Variants in NRG3 observed in about 807,000 individuals in gnomAD.
NRG3 encodes neuregulin 3, also known as pro-neuregulin-3, membrane-bound isoform.
In NRG3, 31 loss-of-function variants were observed where a neutral mutation model predicts 66.9. The observed-to-expected ratio is 0.46, with a 90% CI of 0.35 to 0.63. NRG3 has a LOEUF of 0.63. Among genes scored for constraint, NRG3 ranks in the 20% least tolerant of loss-of-function variants. The pLI is 0.00. For missense variants in NRG3, 910 were observed against 878.9 expected (o/e 1.04, Z -0.45); for synonymous variants, 393 against 359.4 (o/e 1.09, Z -1.06).
Position 82,615,269 on chromosome 10 carries a change from A to T in NRG3, c.954-123308A>T, listed in dbSNP as rs1000878775. Among the ~76,000 whole-genome samples, 13 of 152,144 alleles carry T rather than the reference A, an allele frequency of 8.5e-5. No homozygotes were observed. In the East Asian group the frequency reaches 1.5e-3, roughly 18 times the overall value. On this transcript the variant is annotated intron_variant, in intron 2 of 8. Coordinates refer to ENST00000372141, the MANE Select transcript of NRG3 (RefSeq NM_001010848.4). ...GGAGAATTGATTGATATGTTATCTG[A>T]TTATAAAAATAGAAATAAAAGAAGA...
chr10:82,890,362 C>CA (rs1297252398), intron 4 of NRG3, among the ~76,000 whole-genome samples: 1 of 152,048 alleles, frequency 6.6e-6, no homozygotes, highest in East Asian at 1.9e-4. Flanking sequence ...TCCGTTATCT[C>CA]AAAACCATAA....
chr10:82,585,829 C>A (rs1335472520), intron 2 of NRG3, among the ~76,000 whole-genome samples: 1 of 152,128 alleles, frequency 6.6e-6, no homozygotes, highest in Non-Finnish European at 1.5e-5. Flanking sequence ...TGTGCTCTAT[C>A]AATTGAATAT....
chr10:82,526,510 G>A (rs1846712678), intron 2 of NRG3, among the ~76,000 whole-genome samples: 1 of 151,610 alleles, frequency 6.6e-6, no homozygotes, highest in Admixed American at 6.6e-5. Flanking sequence ...TGTACCTAAA[G>A]CATAAAGATA....
intron 1 of NRG3, among the ~76,000 whole-genome samples, chr10:82,321,421 T>C (rs2081574306): frequency 6.6e-6 from 1 of 152,224 alleles, no homozygotes; most frequent in African/African-American, 2.4e-5. Context: ...TTACCTTGAT[T>C]ATTCCTTAAA....
intron 3 of NRG3, among the ~76,000 whole-genome samples, chr10:82,777,218 G>T (rs890032405): frequency 9.2e-5 from 14 of 152,016 alleles, no homozygotes; most frequent in African/African-American, 2.9e-4. Context: ...TGCCTCAGTG[G>T]TCTACACTGT....
At chr10:82,133,310 AC>A (rs1213686272) in intron 1 of NRG3, among the ~76,000 whole-genome samples, 2 of 152,120 alleles carry the variant, frequency 1.3e-5, no homozygotes, top group Non-Finnish European at 2.9e-5. Flanking sequence ...TTTGTTACAT[AC>A]ATAAACTCAT....
intron 2 of NRG3, among the ~76,000 whole-genome samples, chr10:82,426,503 T>A (rs1171324030): frequency 2.0e-5 from 3 of 150,752 alleles, no homozygotes; most frequent in Non-Finnish European, 3.0e-5. Flanking sequence ...CAGGTTTTTT[T>A]TTTTTTAGCT....
At chr10:82,653,301 G>T (rs1226694617) in intron 2 of NRG3, among the ~76,000 whole-genome samples, 1 of 152,134 alleles carries the variant, frequency 6.6e-6, no homozygotes, top group Non-Finnish European at 1.5e-5. Context: ...GAAGTGAGTA[G>T]GTGATAAATA....
chr10:82,984,229 G>T (rs1045444369), intron 8 of NRG3, among the ~76,000 whole-genome samples: 1 of 152,200 alleles, frequency 6.6e-6, no homozygotes, highest in Non-Finnish European at 1.5e-5. Flanking sequence ...TCATGGAACA[G>T]CACAGAGGAG....
chr10:82,973,961 T>C (rs753522660), intron 7 of NRG3, 46 bp downstream of exon 7: 3 of 1,608,952 alleles, frequency 1.9e-6, no homozygotes, highest in Non-Finnish European at 2.5e-6. Context: ...TCACACTGTG[T>C]GTATGCTGGG....
intron 1 of NRG3, among the ~76,000 whole-genome samples, chr10:81,939,943 T>C (rs927736845): frequency 2.0e-5 from 3 of 152,064 alleles, no homozygotes; most frequent in African/African-American, 7.2e-5. Flanking sequence ...GCCTTTGCTA[T>C]ATCCCATGGA....
intron 2 of NRG3, among the ~76,000 whole-genome samples, chr10:82,736,993 A>C (rs192392625): frequency 3.7e-4 from 56 of 149,978 alleles, no homozygotes; most frequent in African/African-American, 1.2e-3. Flanking sequence ...GAACAAGCTA[A>C]TTACATTAGG....
chr10:82,861,755 A>T (rs1035959533), intron 3 of NRG3, among the ~76,000 whole-genome samples: 6 of 152,100 alleles, frequency 3.9e-5, no homozygotes, highest in South Asian at 2.1e-4. Flanking sequence ...GTATCTAAAG[A>T]CTTTCTAATT....
At chr10:82,000,914 T>C (rs777881658) in intron 1 of NRG3, among the ~76,000 whole-genome samples, 34 of 152,202 alleles carry the variant, frequency 2.2e-4, no homozygotes, top group Non-Finnish European at 4.6e-4. Context: ...TTTTCTCTTT[T>C]AAAATAATTT....
chr10:82,863,787 A>G (rs533816492), intron 3 of NRG3, among the ~76,000 whole-genome samples: 114 of 152,038 alleles, frequency 7.5e-4, no homozygotes, highest in African/African-American at 2.7e-3. Context: ...TCCAGTGCAC[A>G]TTTTCTGCTT....
intron 1 of NRG3, among the ~76,000 whole-genome samples, chr10:82,319,115 C>T (rs988614983): frequency 3.3e-5 from 5 of 152,226 alleles, no homozygotes. Context: ...TGCTCTGTGA[C>T]TTTAAAATAC....
intron 2 of NRG3, among the ~76,000 whole-genome samples, chr10:82,442,934 T>C (rs961161230): frequency 4.6e-5 from 7 of 151,822 alleles, no homozygotes; most frequent in African/African-American, 9.7e-5. Context: ...GTTGATATAA[T>C]TGGGCTCAGT....
chr10:82,203,523 G>T (rs2074957073), intron 1 of NRG3, among the ~76,000 whole-genome samples: 1 of 152,084 alleles, frequency 6.6e-6, no homozygotes, highest in African/African-American at 2.4e-5. Flanking sequence ...GCTTTTTCTG[G>T]TGAATTCAGC....
At chr10:82,276,629 A>C (rs2078861029) in intron 1 of NRG3, among the ~76,000 whole-genome samples, 1 of 152,074 alleles carries the variant, frequency 6.6e-6, no homozygotes, top group Non-Finnish European at 1.5e-5. Flanking sequence ...CTTTAAATAG[A>C]AATAAGCACC....
Sources: gnomAD v4.1 joint callset for allele counts (sites outside exome capture counted in the v4.1 genomes callset) on GRCh38, gnomAD v4.1.1 for gene constraint, MANE v1.5 for transcripts, NCBI Gene and HGNC (gene_info 2026-07-23, HGNC 2026-07-21) for gene names.